SPON1: variants seen among roughly 807,000 people sequenced by gnomAD.
SPON1 encodes the protein spondin-1.
A neutral mutation model predicts 111.7 loss-of-function variants in SPON1; 52 were observed. The observed-to-expected ratio is 0.47, with a 90% CI of 0.37 to 0.59. SPON1 has a LOEUF of 0.59. SPON1 is among the 20% of genes least tolerant of loss of function. SPON1 has a pLI of 0.00. For missense variants in SPON1, 957 were observed against 1,068.5 expected (o/e 0.90, Z 1.46); for synonymous variants, 410 against 395.8 (o/e 1.04, Z -0.43).
chr11:14,242,800 C>T (rs182358015), intron 6 of SPON1, among the ~76,000 whole-genome samples: 2 of 152,302 alleles, frequency 1.3e-5, no homozygotes, highest in East Asian at 3.9e-4. Context: ...TGAGGGGCAC[C>T]ACGGGTATGG....
intron 2 of SPON1, among the ~76,000 whole-genome samples, chr11:14,028,684 G>A (rs1463983273): frequency 6.6e-6 from 1 of 152,136 alleles, no homozygotes; most frequent in Non-Finnish European, 1.5e-5. Flanking sequence ...CAAAGTCATG[G>A]TCATCAAGCA....
chr11:14,033,159 G>A (rs532029913), intron 2 of SPON1, among the ~76,000 whole-genome samples: 2 of 152,336 alleles, frequency 1.3e-5, no homozygotes, highest in Non-Finnish European at 2.9e-5. Flanking sequence ...GTTTCCTGCT[G>A]TGGATGCTAT....
chr11:14,096,678 C>T (rs1849104152), intron 5 of SPON1, among the ~76,000 whole-genome samples: 1 of 152,180 alleles, frequency 6.6e-6, no homozygotes, highest in South Asian at 2.1e-4. Context: ...GAAACTGCTC[C>T]TCCTCAGGTT....
chr11:14,247,116 T>C (rs1335987446), intron 7 of SPON1, among the ~76,000 whole-genome samples: 1 of 152,176 alleles, frequency 6.6e-6, no homozygotes, highest in Non-Finnish European at 1.5e-5. Context: ...GCATTAAAAG[T>C]CATGAGTAAG....
chr11:14,204,840 A>AC (rs1848500573), intron 6 of SPON1, among the ~76,000 whole-genome samples: 1 of 151,352 alleles, frequency 6.6e-6, no homozygotes, highest in Admixed American at 6.6e-5. Context: ...GCCCGCCACC[A>AC]CCCCCGGCTA....
At chr11:14,262,185 C>T (rs1849192343) in intron 14 of SPON1, among the ~76,000 whole-genome samples, 1 of 152,142 alleles carries the variant, frequency 6.6e-6, no homozygotes, top group Non-Finnish European at 1.5e-5. Context: ...GCATAGACCA[C>T]CATATATAGA....
intron 2 of SPON1, among the ~76,000 whole-genome samples, chr11:14,026,640 A>G (rs562384042): frequency 1.3e-5 from 2 of 152,308 alleles, no homozygotes; most frequent in African/African-American, 4.8e-5. Context: ...TGACTTACGC[A>G]GAGAATACAA....
chr11:14,218,963 C>A (rs1848652147), intron 6 of SPON1, among the ~76,000 whole-genome samples: 1 of 152,210 alleles, frequency 6.6e-6, no homozygotes, highest in Non-Finnish European at 1.5e-5. Flanking sequence ...TAACAAAGCA[C>A]TCAGTAGGAT....
At chr11:14,006,272 C>T (rs1389564631) in intron 2 of SPON1, among the ~76,000 whole-genome samples, 1 of 152,104 alleles carries the variant, frequency 6.6e-6, no homozygotes, top group Non-Finnish European at 1.5e-5. Flanking sequence ...CCTTTTAGTA[C>T]CTGCTAGCAG....
intron 2 of SPON1, among the ~76,000 whole-genome samples, chr11:13,992,330 C>T (rs1392308783): frequency 1.3e-5 from 2 of 152,234 alleles, no homozygotes; most frequent in African/African-American, 4.8e-5. Flanking sequence ...CCAGTTTGAA[C>T]TTCCCAGTGG....
intron 2 of SPON1, 25 bp from the exon 3 acceptor site, chr11:14,041,496 T>G: frequency 6.2e-7 from 1 of 1,612,824 alleles, no homozygotes; most frequent in Non-Finnish European, 8.5e-7. Context: ...GTTGCATGTA[T>G]TTATTTCCCA....
rs1849276675 is a variant in SPON1, at chr11:14,266,860, G to GACATGCATAGGAAT, written c.*1174_*1187dup. 1 of 152,148 alleles carries GACATGCATAGGAAT rather than the reference G, an allele frequency of 6.6e-6. No homozygotes were observed. Among genetic ancestry groups the GACATGCATAGGAAT allele is most frequent in the East Asian group, 1.9e-4 (1 of 5,188 alleles). The allele number at this position is 152,148 out of a possible 1,614,324, so 9.4% of individuals were successfully genotyped here. A position where few individuals can be genotyped will look rare whatever the true frequency, so the allele number is the denominator to read the frequency against. ...CCACACCAGGGCTGTGGTCCTCCCA[G>GACATGCATAGGAAT]ACATGCATAGGAATGGCCACAGGTT... On this transcript the variant is annotated 3_prime_UTR_variant, in exon 16 of 16. Coordinates refer to ENST00000576479, the MANE Select transcript of SPON1 (RefSeq NM_006108.4).
intron 6 of SPON1, among the ~76,000 whole-genome samples, chr11:14,192,763 A>G (rs2133892680): frequency 7.2e-6 from 1 of 138,222 alleles, no homozygotes; most frequent in East Asian, 2.5e-4. Context: ...CAACGTCTGG[A>G]AAGAGGTGGG....
At chr11:14,034,660 C>G (rs1554916431) in intron 2 of SPON1, among the ~76,000 whole-genome samples, 1 of 152,180 alleles carries the variant, frequency 6.6e-6, no homozygotes, top group Non-Finnish European at 1.5e-5. Context: ...AGTCTTATGT[C>G]CCCCTGGGAT....
chr11:13,968,129 C>A (rs1176900773), intron 1 of SPON1, among the ~76,000 whole-genome samples: 1 of 152,186 alleles, frequency 6.6e-6, no homozygotes, highest in Non-Finnish European at 1.5e-5. Context: ...GCTTGTTATA[C>A]AGACTGTCAC....
At chr11:13,993,181 C>G (rs756466395) in intron 2 of SPON1, among the ~76,000 whole-genome samples, 28 of 152,050 alleles carry the variant, frequency 1.8e-4, no homozygotes, top group Non-Finnish European at 3.1e-4. Context: ...CTTTGCACCT[C>G]CCTAGACTTA....
At chr11:14,208,711 A>G (rs1189600239) in intron 6 of SPON1, among the ~76,000 whole-genome samples, 4 of 152,192 alleles carry the variant, frequency 2.6e-5, no homozygotes, top group African/African-American at 7.2e-5. Flanking sequence ...TACATTGATC[A>G]TATCATTATT....
chr11:14,040,445 G>T (rs1266721292), intron 2 of SPON1, among the ~76,000 whole-genome samples: 1 of 152,060 alleles, frequency 6.6e-6, no homozygotes, highest in Non-Finnish European at 1.5e-5. Context: ...AAATACTTAG[G>T]AGTGAATGCT....
chr11:14,208,096 C>T (rs1178402708), intron 6 of SPON1, among the ~76,000 whole-genome samples: 3 of 152,142 alleles, frequency 2.0e-5, no homozygotes, highest in African/African-American at 4.8e-5. Flanking sequence ...AGCAAACTAA[C>T]ACAGGAACAG....
Sources: gnomAD v4.1 joint callset for allele counts (sites outside exome capture counted in the v4.1 genomes callset) on GRCh38, gnomAD v4.1.1 for gene constraint, MANE v1.5 for transcripts, NCBI Gene and HGNC (gene_info 2026-07-23, HGNC 2026-07-21) for gene names.